EYS: variants seen among roughly 807,000 people sequenced by gnomAD.
The protein encoded by EYS is EGF-like photoreceptor maintenance factor.
A neutral mutation model predicts 282.1 loss-of-function variants in EYS; 250 were observed. The observed-to-expected ratio is 0.89, with a 90% CI of 0.80 to 0.98. The LOEUF (loss-of-function observed/expected upper bound fraction) is 0.98, where lower values mean the gene tolerates loss of function less well. Among genes scored for constraint, EYS ranks in the 50% least tolerant of loss-of-function variants. The pLI is 0.00. For missense variants in EYS, 4,016 were observed against 3,709.0 expected (o/e 1.08, Z -2.15); for synonymous variants, 1,355 against 1,282.9 (o/e 1.06, Z -1.20).
At chr6:65,662,812 T>C (rs1464075571) in intron 1 of EYS, among the ~76,000 whole-genome samples, 1 of 152,024 alleles carries the variant, frequency 6.6e-6, no homozygotes, top group East Asian at 1.9e-4. Context: ...AAAGGGAAGG[T>C]GGAAGAAAAA....
At chr6:65,596,105 C>T (rs1177338930) in intron 2 of EYS, among the ~76,000 whole-genome samples, 1 of 151,970 alleles carries the variant, frequency 6.6e-6, no homozygotes, top group Admixed American at 6.6e-5. Flanking sequence ...TGTGAAAGAG[C>T]GTCTTTTGAG....
At chr6:64,583,153 G>C (rs1158983132) in intron 26 of EYS, among the ~76,000 whole-genome samples, 1 of 152,078 alleles carries the variant, frequency 6.6e-6, no homozygotes, top group Non-Finnish European at 1.5e-5. Flanking sequence ...AGGTATGGTT[G>C]GAAGTGTCTA....
chr6:64,330,116 C>A (rs1316049718), intron 29 of EYS, among the ~76,000 whole-genome samples: 1 of 152,184 alleles, frequency 6.6e-6, no homozygotes, highest in Non-Finnish European at 1.5e-5. Flanking sequence ...GTTAGCTGCA[C>A]CCACAAAAGA....
At position 64,894,367 on chromosome 6, in the gene EYS, T is replaced by A. The variant is rs570430289; in HGVS notation, c.2847-7525A>T. 2.0e-5 allele frequency among the ~76,000 whole-genome samples: 3 copies of A among 152,232 alleles called. No homozygotes were observed. The East Asian group carries it at 5.8e-4, about 29-fold the overall frequency. On this transcript the variant is annotated intron_variant, in intron 18 of 42. Coordinates refer to ENST00000503581, the MANE Select transcript of EYS (RefSeq NM_001142800.2). ...CAAAATGAGCAAATAAACATATAAA[T>A]CAGAGAAACAGAGTGGACATCAGTG...
chr6:64,433,339 T>C (rs942087482), intron 28 of EYS, among the ~76,000 whole-genome samples: 8 of 152,036 alleles, frequency 5.3e-5, no homozygotes, highest in Non-Finnish European at 1.0e-4. Flanking sequence ...AATATGTAAA[T>C]GGTCAAAAAA....
intron 12 of EYS, among the ~76,000 whole-genome samples, chr6:65,208,914 C>A (rs900511194): frequency 6.6e-6 from 1 of 151,750 alleles, no homozygotes; most frequent in African/African-American, 2.4e-5. Flanking sequence ...AGTCACAAAC[C>A]TACTCACGTG....
chr6:64,901,524 G>T (rs1354432781), intron 18 of EYS, among the ~76,000 whole-genome samples: 1 of 151,640 alleles, frequency 6.6e-6, no homozygotes, highest in East Asian at 1.9e-4. Context: ...TTTTTCAAAA[G>T]AAATGAGAAA....
At chr6:65,114,017 C>T (rs1173036295) in intron 12 of EYS, among the ~76,000 whole-genome samples, 2 of 151,840 alleles carry the variant, frequency 1.3e-5, no homozygotes, top group African/African-American at 2.4e-5. Context: ...ATAGAACTGA[C>T]CTTATTTGTA....
chr6:63,843,776 C>T (rs775992932), intron 36 of EYS, among the ~76,000 whole-genome samples: 1 of 152,098 alleles, frequency 6.6e-6, no homozygotes, highest in Non-Finnish European at 1.5e-5. Context: ...AGAAATAAAG[C>T]GTATTCAAAT....
At chr6:64,873,782 A>T (rs2150055718) in intron 19 of EYS, among the ~76,000 whole-genome samples, 1 of 152,204 alleles carries the variant, frequency 6.6e-6, no homozygotes, top group Non-Finnish European at 1.5e-5. Context: ...TAAATAAAAA[A>T]ACATCATATT....
intron 22 of EYS, chr6:64,631,474 C>T (rs1399178666): frequency 6.6e-6 from 1 of 152,134 alleles, no homozygotes; most frequent in East Asian, 1.9e-4. Context: ...TCCTTTAGGC[C>T]CTCACTATTG....
intron 12 of EYS, among the ~76,000 whole-genome samples, chr6:65,233,659 G>T (rs1280371534): frequency 3.3e-5 from 5 of 152,036 alleles, no homozygotes; most frequent in Non-Finnish European, 1.5e-5. Context: ...TTCTCTTATT[G>T]TACTTTAAAG....
intron 41 of EYS, among the ~76,000 whole-genome samples, chr6:63,751,959 A>G (rs1769348974): frequency 6.6e-6 from 1 of 152,194 alleles, no homozygotes; most frequent in African/African-American, 2.4e-5. Flanking sequence ...ACAAAATCGC[A>G]TGATTGTTTT....
At chr6:64,121,851 A>T (rs537493614) in intron 31 of EYS, among the ~76,000 whole-genome samples, 1 of 152,294 alleles carries the variant, frequency 6.6e-6, no homozygotes, top group African/African-American at 2.4e-5. Flanking sequence ...AAGGGCTGAT[A>T]TCCCAGTACC....
At chr6:65,593,801 G>A (rs354363) in intron 2 of EYS, among the ~76,000 whole-genome samples, 107,612 of 151,680 alleles carry the variant, frequency 0.71, 38,364 homozygotes, top group East Asian at 0.86. Context: ...CAGGTATTAT[G>A]ATTATTTTAC....
intron 19 of EYS, among the ~76,000 whole-genome samples, chr6:64,863,407 T>A (rs1341430319): frequency 6.6e-6 from 1 of 152,236 alleles, no homozygotes; most frequent in Non-Finnish European, 1.5e-5. Context: ...GTCTATATTC[T>A]CTGAATCTGT....
intron 26 of EYS, among the ~76,000 whole-genome samples, chr6:64,562,174 T>A (rs6929365): frequency 0.01 from 1,504 of 146,862 alleles, 18 homozygotes; most frequent in African/African-American, 0.035. Flanking sequence ...ATCATCAGGA[T>A]TTTTTTTTTT....
chr6:64,067,311 C>T (rs931308654), intron 32 of EYS, among the ~76,000 whole-genome samples: 1 of 152,070 alleles, frequency 6.6e-6, no homozygotes. Flanking sequence ...ACAAAGTGAA[C>T]CCGCTCACCT....
Position 65,367,153 on chromosome 6 carries a change from A to T in EYS, c.1300-13536T>A, listed in dbSNP as rs1050034479. 7.3e-5 allele frequency among the ~76,000 whole-genome samples: 11 copies of T among 151,650 alleles called. 1 individual carries two copies. Among genetic ancestry groups the T allele is most frequent in the Admixed American group, 5.4e-4 (8 of 14,946 alleles). ...GCCCAGCATACTCTGGATGCTCAGA[A>T]ACTGTTGAAGAAAGTTTACGTTCTG... On this transcript the variant is annotated intron_variant, in intron 8 of 42. Transcript: ENST00000503581.
Sources: gnomAD v4.1 joint callset for allele counts (sites outside exome capture counted in the v4.1 genomes callset) on GRCh38, gnomAD v4.1.1 for gene constraint, MANE v1.5 for transcripts, NCBI Gene and HGNC (gene_info 2026-07-23, HGNC 2026-07-21) for gene names.